The following DACH2 variants were observed in gnomAD, a reference collection of about 807,000 sequenced individuals.
The protein encoded by DACH2 is dachshund family transcription factor 2.
A neutral mutation model predicts 35.8 loss-of-function variants in DACH2; 17 were observed. That is an observed-to-expected ratio of 0.48 (90% CI 0.33 to 0.71). The LOEUF (loss-of-function observed/expected upper bound fraction) is 0.71. Ranked by LOEUF, DACH2 falls within the 30% of genes least tolerant of loss-of-function variation. The pLI is 0.02. For missense variants in DACH2, 469 were observed against 472.7 expected (o/e 0.99, Z 0.07); for synonymous variants, 195 against 177.3 (o/e 1.10, Z -0.79).
At chrX:86,496,690 T>C (rs1307278979) in intron 2 of DACH2, among the ~76,000 whole-genome samples, 1 of 108,607 alleles carries the variant, frequency 9.2e-6, no homozygotes, top group Non-Finnish European at 1.9e-5. Flanking sequence ...CACACACACA[T>C]GAAAAAGCTA....
chrX:86,511,257 C>T (rs781192804), intron 2 of DACH2, among the ~76,000 whole-genome samples: 1 of 111,569 alleles, frequency 9.0e-6, no homozygotes, highest in East Asian at 2.8e-4. Context: ...CTAGGAATGT[C>T]GTACTATGGA....
At chrX:86,763,704 G>A (rs2041905687) in intron 7 of DACH2, among the ~76,000 whole-genome samples, 1 of 111,096 alleles carries the variant, frequency 9.0e-6, no homozygotes, top group Admixed American at 9.6e-5. Flanking sequence ...CACCTGCCTC[G>A]GCCTCCCAGA....
chrX:86,326,165 C>T (rs1409088708), intron 1 of DACH2, among the ~76,000 whole-genome samples: 2 of 111,041 alleles, frequency 1.8e-5, no homozygotes, highest in Admixed American at 1.9e-4. Context: ...AATCTGTAGC[C>T]CTTGTTTGCA....
chrX:86,639,729 A>G (rs1369090794), intron 3 of DACH2, among the ~76,000 whole-genome samples: 4 of 111,382 alleles, frequency 3.6e-5, no homozygotes, highest in African/African-American at 1.3e-4. Context: ...GGGGCAGGCC[A>G]CCATCTTTGC....
At chrX:86,767,930 TTTG>T (rs936752367) in intron 7 of DACH2, among the ~76,000 whole-genome samples, 12 of 111,239 alleles carry the variant, frequency 1.1e-4, no homozygotes, top group African/African-American at 1.6e-4. Context: ...TGTTTGTTTG[TTTG>T]TTGTTTGTTT....
At chrX:86,240,821 G>T (rs1569313209) in intron 1 of DACH2, among the ~76,000 whole-genome samples, 1 of 109,851 alleles carries the variant, frequency 9.1e-6, no homozygotes, top group East Asian at 2.9e-4. Flanking sequence ...CACAATATCT[G>T]ATGGTTTAAA....
intron 7 of DACH2, among the ~76,000 whole-genome samples, chrX:86,809,006 C>A (rs1168098661): frequency 1.8e-5 from 2 of 111,480 alleles, no homozygotes; most frequent in Non-Finnish European, 3.8e-5. Context: ...CTGGGCTCTA[C>A]GAAATAAGTT....
At chrX:86,331,341 T>G (rs187198446) in intron 1 of DACH2, among the ~76,000 whole-genome samples, 1 of 111,185 alleles carries the variant, frequency 9.0e-6, no homozygotes, top group East Asian at 2.8e-4. Context: ...CACCTGGGCT[T>G]TAAAATAACA....
chrX:86,338,744 A>G (rs778740602), intron 1 of DACH2, among the ~76,000 whole-genome samples: 1 of 111,887 alleles, frequency 8.9e-6, no homozygotes, highest in South Asian at 3.7e-4. Context: ...AGATAGAGAC[A>G]TGAAAAACCC....
At chrX:86,650,631 G>C (rs1479481204) in intron 3 of DACH2, among the ~76,000 whole-genome samples, 3 of 111,493 alleles carry the variant, frequency 2.7e-5, no homozygotes, top group East Asian at 2.8e-4. Context: ...ACATTAGCAA[G>C]AGTCTTGGAA....
At position 86,535,956 on chromosome X, in the gene DACH2, C is replaced by T. The variant is rs5923553; in HGVS notation, c.640+21565C>T. 8.3e-3 allele frequency among the ~76,000 whole-genome samples: 922 copies of T among 110,955 alleles called. 4 individuals carry two copies. The highest frequency in any genetic ancestry group is 0.028 in the Middle Eastern group (6 of 213). ...TCTACCTTATGACCTTGCAGCGGCA[C>T]GGCAAAGGAGACAGGATCTCACAGG... On this transcript the variant is annotated intron_variant, in intron 3 of 11. Transcript: ENST00000373125.
chrX:86,577,538 T>C (rs1181194936), intron 3 of DACH2, among the ~76,000 whole-genome samples: 2 of 111,854 alleles, frequency 1.8e-5, no homozygotes, highest in Non-Finnish European at 3.8e-5. Context: ...AATTTTCCTC[T>C]ATACTTTTGT....
intron 3 of DACH2, among the ~76,000 whole-genome samples, chrX:86,617,413 A>G (rs1335643841): frequency 9.0e-6 from 1 of 111,100 alleles, no homozygotes; most frequent in African/African-American, 3.3e-5. Flanking sequence ...TACAAGCACG[A>G]GATGTTTTTC....
chrX:86,745,236 T>A (rs1276185101), intron 7 of DACH2, among the ~76,000 whole-genome samples: 1 of 111,569 alleles, frequency 9.0e-6, no homozygotes, highest in Admixed American at 9.6e-5. Context: ...ATATATTATA[T>A]TTTACCTGGA....
intron 5 of DACH2, 127 bp from the exon 6 acceptor site, chrX:86,714,421 C>A: frequency 4.4e-6 from 2 of 454,462 alleles, no homozygotes; most frequent in African/African-American, 2.5e-5. Context: ...ATTAATGGCA[C>A]AAGGAGACAC....
intron 2 of DACH2, among the ~76,000 whole-genome samples, chrX:86,499,373 A>G: frequency 9.0e-6 from 1 of 111,618 alleles, no homozygotes; most frequent in East Asian, 2.8e-4. Context: ...ACTCCAAAAA[A>G]AGACAGGAAA....
chrX:86,406,272 A>G (rs976939906), intron 2 of DACH2, among the ~76,000 whole-genome samples: 9 of 112,225 alleles, frequency 8.0e-5, no homozygotes, highest in African/African-American at 2.9e-4. Context: ...ATTATCCTAC[A>G]CAAACTAAGA....
At position 86,807,464 on chromosome X, in the gene DACH2, A is replaced by C. The variant is rs149598131; in HGVS notation, c.1241-5392A>C. On this transcript the variant is annotated intron_variant, in intron 7 of 11. Coordinates refer to ENST00000373125, the MANE Select transcript of DACH2 (RefSeq NM_053281.3). ...TTTCCCAGGGTTCTACAAATCATAGAGCAGGGATTCAAACCCAAGCAATCA... is the reference window on the plus strand; with the variant it reads ...TTTCCCAGGGTTCTACAAATCATAGCGCAGGGATTCAAACCCAAGCAATCA... Among the ~76,000 whole-genome samples the C allele has an allele frequency of 3.9e-3, 433 of 111,898 alleles. 2 individuals carry two copies. Among genetic ancestry groups the C allele is most frequent in the African/African-American group, 0.013 (413 of 30,861 alleles).
At chrX:86,221,672 G>A (rs1353310669) in intron 1 of DACH2, among the ~76,000 whole-genome samples, 2 of 112,103 alleles carry the variant, frequency 1.8e-5, no homozygotes, top group African/African-American at 6.5e-5. Context: ...CCAACAGTTA[G>A]TGTATTTATA....
Sources: gnomAD v4.1 joint callset for allele counts (sites outside exome capture counted in the v4.1 genomes callset) on GRCh38, gnomAD v4.1.1 for gene constraint, MANE v1.5 for transcripts, NCBI Gene and HGNC (gene_info 2026-07-23, HGNC 2026-07-21) for gene names.